TTC39C: variants seen among roughly 807,000 people sequenced by gnomAD.
The protein encoded by TTC39C is tetratricopeptide repeat domain 39C.
A neutral mutation model predicts 76.3 loss-of-function variants in TTC39C; 33 were observed. The ratio of observed to expected loss-of-function variants is 0.43; its 90% CI spans 0.33 to 0.58. The LOEUF is 0.58. Among genes scored for constraint, TTC39C ranks in the 20% least tolerant of loss-of-function variants. The pLI, the probability that TTC39C is intolerant of heterozygous loss-of-function variation, is 0.04. For synonymous variants in TTC39C, 254 were observed against 260.6 expected, an observed-to-expected ratio of 0.97 and a Z score of 0.24; for missense variants, 595 against 701.4, an observed-to-expected ratio of 0.85 and a Z score of 1.71.
intron 1 of TTC39C, among the ~76,000 whole-genome samples, chr18:24,001,874 G>A (rs1420585588): frequency 1.5e-5 from 2 of 136,134 alleles, no homozygotes; most frequent in Admixed American, 8.3e-5. Context: ...GGCCCAGGCG[G>A]GAGTGCAGTG....
At chr18:24,103,465 T>C (rs915063469) in intron 6 of TTC39C, among the ~76,000 whole-genome samples, 1 of 152,208 alleles carries the variant, frequency 6.6e-6, no homozygotes, top group African/African-American at 2.4e-5. Flanking sequence ...TAATCTGCAA[T>C]TGGTCTGCAT....
chr18:24,078,842 A>G (rs1261128547), intron 4 of TTC39C, among the ~76,000 whole-genome samples: 1 of 152,206 alleles, frequency 6.6e-6, no homozygotes, highest in Non-Finnish European at 1.5e-5. Flanking sequence ...CACTCTTATC[A>G]GTCCTGGAAA....
intron 1 of TTC39C, among the ~76,000 whole-genome samples, chr18:24,037,843 G>A (rs778328397): frequency 6.6e-6 from 1 of 152,182 alleles, no homozygotes; most frequent in Non-Finnish European, 1.5e-5. Flanking sequence ...GGCATTTTAT[G>A]TTGGTGTATG....
intron 1 of TTC39C, among the ~76,000 whole-genome samples, chr18:24,061,884 A>G (rs2084106273): frequency 6.6e-6 from 1 of 152,214 alleles, no homozygotes; most frequent in Non-Finnish European, 1.5e-5. Context: ...AGCCTGGGTG[A>G]CAGAGTGAGA....
chr18:24,109,200 T>TA (rs1599333991), intron 6 of TTC39C, among the ~76,000 whole-genome samples: 1 of 105,792 alleles, frequency 9.5e-6, no homozygotes, highest in African/African-American at 5.0e-5. Context: ...AAAAAAAAAG[T>TA]TAAAAAATTA....
At chr18:24,032,760 A>G (rs1379765855) in intron 1 of TTC39C, among the ~76,000 whole-genome samples, 8 of 152,156 alleles carry the variant, frequency 5.3e-5, no homozygotes, top group Admixed American at 5.2e-4. Flanking sequence ...AGGCTGCCCA[A>G]CCTGTATTTT....
chr18:24,108,265 A>G (rs9304430), intron 6 of TTC39C, among the ~76,000 whole-genome samples: 18,020 of 152,188 alleles, frequency 0.12, 2,424 homozygotes, highest in African/African-American at 0.32. Flanking sequence ...GCTTTTTGTC[A>G]CTTAATGTTA....
At chr18:24,102,424 A>G (rs762796981) in intron 6 of TTC39C, among the ~76,000 whole-genome samples, 1 of 152,210 alleles carries the variant, frequency 6.6e-6, no homozygotes, top group African/African-American at 2.4e-5. Flanking sequence ...TCTTCTGAGG[A>G]TGAAACTTCC....
rs201675660 is a variant in TTC39C at position 24,064,111 on chromosome 18, T to TTG, written c.168-13_168-12dup. 441 of 1,565,156 alleles carry TTG rather than the reference T, an allele frequency of 2.8e-4. 1 individual carries two copies. The highest frequency in any genetic ancestry group is 1.8e-3 in the African/African-American group (132 of 73,498). On this transcript the variant is annotated intron_variant, in intron 1 of 13. Transcript: ENST00000317571. ...ATTTTACAGTGAAAATAATTGTATT[T>TTG]TGTGTGTGTGTGTGTGTTTTTTTAA...
At chr18:24,118,398 C>T (rs1231130563) in intron 8 of TTC39C, among the ~76,000 whole-genome samples, 166 bp downstream of exon 8, 1 of 152,182 alleles carries the variant, frequency 6.6e-6, no homozygotes, top group Non-Finnish European at 1.5e-5. Context: ...TGCTAGAATA[C>T]TGTGTTCACT....
At chr18:24,048,734 G>C (rs1186227854) in intron 1 of TTC39C, among the ~76,000 whole-genome samples, 2 of 152,104 alleles carry the variant, frequency 1.3e-5, no homozygotes, top group Non-Finnish European at 2.9e-5. Context: ...TACCTTTTAA[G>C]GTAACGTTTT....
Position 24,125,380 on chromosome 18 carries a change from G to A in TTC39C, c.1297-47G>A, listed in dbSNP as rs765314702. The A allele has an allele frequency of 3.1e-6, 5 of 1,610,886 alleles. No individual in the cohort carries two copies. In the East Asian group the frequency reaches 1.1e-4, roughly 36 times the overall value. On this transcript the variant is annotated intron_variant, in intron 9 of 13. Coordinates refer to ENST00000317571, the MANE Select transcript of TTC39C (RefSeq NM_001135993.2). ...AGTGTCTGAGGTATATTTTTTATTT[G>A]AATTTGTTTTTGAAAAATGTAGCCT...
chr18:24,080,053 C>T (rs552185446), intron 4 of TTC39C, among the ~76,000 whole-genome samples: 6 of 152,256 alleles, frequency 3.9e-5, no homozygotes, highest in African/African-American at 7.2e-5. Flanking sequence ...CTGCCCACCA[C>T]GGCCTCCCAA....
chr18:24,116,233 C>T (rs896561783), intron 7 of TTC39C, among the ~76,000 whole-genome samples: 1 of 152,194 alleles, frequency 6.6e-6, no homozygotes, highest in African/African-American at 2.4e-5. Flanking sequence ...TCTCCGCTAT[C>T]TATGCTAGGA....
At chr18:24,043,865 A>C (rs1260059827) in intron 1 of TTC39C, among the ~76,000 whole-genome samples, 2 of 152,242 alleles carry the variant, frequency 1.3e-5, no homozygotes, top group Non-Finnish European at 2.9e-5. Context: ...AGAGTGAACA[A>C]GTAGTTTTGC....
intron 1 of TTC39C, among the ~76,000 whole-genome samples, chr18:23,998,409 A>G (rs2083285533): frequency 6.6e-6 from 1 of 152,198 alleles, no homozygotes; most frequent in Non-Finnish European, 1.5e-5. Flanking sequence ...GGATCACTTG[A>G]GGCCATCCTG....
chr18:24,010,169 G>A (rs73967651), upstream of TTC39C, among the ~76,000 whole-genome samples: 504 of 152,346 alleles, frequency 3.3e-3, 2 homozygotes, highest in African/African-American at 0.012. Context: ...GCTGTCATGC[G>A]TCAGAGAGGA....
intron 4 of TTC39C, among the ~76,000 whole-genome samples, chr18:24,073,308 T>A (rs2084263417): frequency 6.6e-6 from 1 of 152,144 alleles, no homozygotes; most frequent in Non-Finnish European, 1.5e-5. Context: ...GCGGGGCATG[T>A]AAGACCCTGC....
At chr18:24,064,557 G>C (rs1339995251) in intron 2 of TTC39C, among the ~76,000 whole-genome samples, 1 of 152,164 alleles carries the variant, frequency 6.6e-6, no homozygotes, top group Non-Finnish European at 1.5e-5. Context: ...CAAGTTAAAT[G>C]AGCAGAGCTA....
Sources: allele counts gnomAD v4.1 joint callset (sites outside exome capture counted in the v4.1 genomes callset), GRCh38; gene constraint gnomAD v4.1.1; transcripts MANE v1.5; gene names NCBI Gene and HGNC (gene_info 2026-07-23, HGNC 2026-07-21).